Variants in ELMO2 observed in about 807,000 individuals in gnomAD.
ELMO2 encodes the protein engulfment and cell motility 2, also known as engulfment and cell motility protein 2.
ELMO2 carries 37 observed loss-of-function variants against 96.2 expected under a neutral mutation model. That is an observed-to-expected ratio of 0.38 (90% CI 0.30 to 0.51). The LOEUF (loss-of-function observed/expected upper bound fraction) is 0.51, where lower values mean the gene tolerates loss of function less well. Ranked by LOEUF, ELMO2 falls within the 20% of genes least tolerant of loss-of-function variation. The probability of loss-of-function intolerance (pLI) is 0.88; values close to 1 mark genes in which losing one functional copy is unlikely to be tolerated. For synonymous variants in ELMO2, 315 were observed against 329.4 expected (o/e 0.96, Z 0.47); for missense variants, 561 against 912.6 (o/e 0.61, Z 4.96).
chr20:46,403,935 T>C (rs993493852), intron 1 of ELMO2, among the ~76,000 whole-genome samples: 11 of 152,034 alleles, frequency 7.2e-5, no homozygotes, highest in African/African-American at 2.2e-4. Context: ...AATACAAAAA[T>C]CAGCCGGGCA....
In ELMO2 at chr20:46,394,494, G is replaced by A; in HGVS notation, c.-12C>T. The A allele has an allele frequency of 1.2e-6, 2 of 1,614,108 alleles. No homozygotes were observed. The highest frequency in any genetic ancestry group is 1.7e-6 in the Non-Finnish European group (2 of 1,179,974). On this transcript the variant is annotated 5_prime_UTR_variant, in exon 3 of 22. Transcript: ENST00000290246. ...GACGGTGGTGGCATCGTTCCCAATG[G>A]GCTCTAATTCTGCGAGACAAAAACA...
chr20:46,370,563 C>G, intron 19 of ELMO2, 38 bp from the exon 20 acceptor site: 2 of 1,597,792 alleles, frequency 1.3e-6, no homozygotes, highest in Non-Finnish European at 1.7e-6. Context: ...GAAGTTCATG[C>G]TGCAAGCTGG....
chr20:46,373,802 T>C (rs1380077972), intron 15 of ELMO2, among the ~76,000 whole-genome samples: 1 of 152,116 alleles, frequency 6.6e-6, no homozygotes, highest in African/African-American at 2.4e-5. Context: ...AAATTGCCAG[T>C]TCAAACAAAG....
chr20:46,383,350 G>A (rs1359390791), intron 10 of ELMO2, 66 bp downstream of exon 10: 1 of 1,457,176 alleles, frequency 6.9e-7, no homozygotes, highest in Non-Finnish European at 9.6e-7. Context: ...GCATAGCAAA[G>A]AGTGCATGGG....
chr20:46,386,802 A>T (rs1169222796), intron 8 of ELMO2, among the ~76,000 whole-genome samples: 6 of 152,224 alleles, frequency 3.9e-5, no homozygotes, highest in Non-Finnish European at 7.3e-5. Flanking sequence ...GTTCTAGGGC[A>T]GCAGATACAA....
At chr20:46,394,789 T>C (rs1003384037) in intron 2 of ELMO2, among the ~76,000 whole-genome samples, 1 of 152,208 alleles carries the variant, frequency 6.6e-6, no homozygotes, top group Non-Finnish European at 1.5e-5. Flanking sequence ...GGCACTTCAG[T>C]TTAAGAGTCA....
Position 46,366,951 on chromosome 20 carries a change from C to G in ELMO2, c.*409G>C, listed in dbSNP as rs1375196007. The G allele has an allele frequency of 6.1e-6, 1 of 164,340 alleles. No individual in the cohort carries two copies. The highest frequency in any genetic ancestry group is 6.4e-5 in the Admixed American group (1 of 15,602). The allele number at this position is 164,340 out of a possible 1,614,324, so 10.2% of individuals were successfully genotyped here. On this transcript the variant is annotated 3_prime_UTR_variant, in exon 22 of 22. Coordinates refer to ENST00000290246, the MANE Select transcript of ELMO2 (RefSeq NM_133171.5). Reference sequence around the variant, plus strand: ...CAAGGCTCTCAACACGCCCAACACACCTGTCCTCTGCAGGCAGCCTTTCCT... The same window carrying G: ...CAAGGCTCTCAACACGCCCAACACAGCTGTCCTCTGCAGGCAGCCTTTCCT...
Position 46,383,499 on chromosome 20 carries a change from G to A in ELMO2, c.678-5C>T, listed in dbSNP as rs751574977. The A allele has an allele frequency of 4.3e-6, 7 of 1,613,386 alleles. No homozygotes were observed. The Admixed American group carries it at 1.0e-4, about 23-fold the overall frequency. ...GTCTGAATCTCCTGGTTGGAGCTGT[G>A]TCAATGGAGAAAGAAGAGAGAGGGA... On this transcript the variant is annotated splice_region_variant and splice_polypyrimidine_tract_variant and intron_variant, in intron 9 of 21. Coordinates refer to ENST00000290246, the MANE Select transcript of ELMO2 (RefSeq NM_133171.5).
At chr20:46,406,411 C>T (rs1306086858) in intron 1 of ELMO2, 137 bp downstream of exon 1, 1 of 152,744 alleles carries the variant, frequency 6.5e-6, no homozygotes, top group East Asian at 1.9e-4. Flanking sequence ...CAGCCCAGGC[C>T]CGCCCTCTCA....
At chr20:46,372,118 T>C (rs982310032) in intron 16 of ELMO2, 149 bp from the exon 17 acceptor site, 1 of 847,104 alleles carries the variant, frequency 1.2e-6, no homozygotes, top group Non-Finnish European at 1.8e-6. Flanking sequence ...TATACCTTCT[T>C]AGATGGTTAT....
chr20:46,397,713 C>A (rs1423185038), intron 2 of ELMO2, among the ~76,000 whole-genome samples: 1 of 152,038 alleles, frequency 6.6e-6, no homozygotes, highest in Non-Finnish European at 1.5e-5. Context: ...ATAAAAGACA[C>A]AGACTAAGGG....
chr20:46,371,146 C>G lies in ELMO2; in HGVS notation c.1801+206G>C, dbSNP rs1003394317. On this transcript the variant is annotated intron_variant, in intron 19 of 21. Transcript: ENST00000290246. The surrounding 1 kb of genome is among the most constrained non-coding windows in gnomAD (Gnocchi z 5.9). Reference sequence around the variant, plus strand: ...CATGTACCACCCTTTACAGTCTACACAATACATTCACACCTGTGAACTCAT... The same window carrying G: ...CATGTACCACCCTTTACAGTCTACAGAATACATTCACACCTGTGAACTCAT... Among the ~76,000 whole-genome samples the G allele has an allele frequency of 3.9e-5, 6 of 152,312 alleles. No individual in the cohort carries two copies. The East Asian group carries it at 1.2e-3, about 29-fold the overall frequency.
intron 11 of ELMO2, among the ~76,000 whole-genome samples, chr20:46,376,155 G>A (rs546054542): frequency 1.3e-5 from 2 of 152,316 alleles, no homozygotes; most frequent in South Asian, 2.1e-4. Flanking sequence ...CCTACTAAAT[G>A]CAAAACAATA....
chr20:46,370,309 A>G (rs773878240), intron 20 of ELMO2, 134 bp downstream of exon 20: 2 of 825,270 alleles, frequency 2.4e-6, no homozygotes, highest in Non-Finnish European at 4.2e-6. Flanking sequence ...ATTTTTGTGT[A>G]TGTTCAAAAT....
chr20:46,393,459 T>C (rs2145840087), intron 5 of ELMO2, 70 bp downstream of exon 5: 2 of 1,518,098 alleles, frequency 1.3e-6, no homozygotes, highest in Non-Finnish European at 9.1e-7. Context: ...TGAAGATAAA[T>C]AGTGCCGTCT....
chr20:46,379,866 TACA>T, intron 11 of ELMO2: 1 of 162,228 alleles, frequency 6.2e-6, no homozygotes, highest in South Asian at 1.7e-4. Flanking sequence ...TGAGAGCAAA[TACA>T]CTTGCTTACT....
chr20:46,374,349 A>T lies in ELMO2; in HGVS notation c.1262T>A (p.Leu421Gln). The change falls in exon 15 of 22, where the codon CTG becomes CAG. Residue 421 changes from leucine to glutamine, a missense_variant. Leu to Gln is a moderately radical substitution (Grantham distance 113, BLOSUM62 -2). Transcript: ENST00000290246. ...AGACTTACGTAGTTCCCCAACCTGC[A>T]GGATTTCACAGAGCATTTTGGTGAG... ...IELTKMLCEI[L>Q]QVGELPNEGR... The T allele has an allele frequency of 6.2e-7, 1 of 1,614,100 alleles. No homozygotes were observed. The highest frequency in any genetic ancestry group is 8.5e-7 in the Non-Finnish European group (1 of 1,179,962).
At chr20:46,373,795 T>C (rs2059786444) in intron 15 of ELMO2, among the ~76,000 whole-genome samples, 1 of 152,090 alleles carries the variant, frequency 6.6e-6, no homozygotes, top group Non-Finnish European at 1.5e-5. Flanking sequence ...ATGATTCAAA[T>C]TGCCAGTTCA....
intron 6 of ELMO2, among the ~76,000 whole-genome samples, chr20:46,389,663 CAG>C (rs1029969758): frequency 5.3e-5 from 8 of 152,106 alleles, no homozygotes; most frequent in Admixed American, 2.6e-4. Context: ...GCCTGGCCAA[CAG>C]AGTGACACCC....
Sources: allele counts gnomAD v4.1 joint callset (sites outside exome capture counted in the v4.1 genomes callset), GRCh38; gene constraint gnomAD v4.1.1; non-coding constraint Gnocchi (gnomAD v3.1); transcripts MANE v1.5; gene names NCBI Gene and HGNC (gene_info 2026-07-23, HGNC 2026-07-21).